Variants in GRIN2D observed in about 807,000 individuals in gnomAD.
The protein encoded by GRIN2D is glutamate receptor ionotropic, NMDA 2D.
Under a neutral mutation model 103.2 loss-of-function variants are expected in GRIN2D, and 37 were observed. The ratio of observed to expected loss-of-function variants is 0.36; its 90% CI spans 0.28 to 0.47. The LOEUF (loss-of-function observed/expected upper bound fraction) is 0.47, where lower values mean the gene tolerates loss of function less well. GRIN2D is among the 20% of genes least tolerant of loss of function. The probability of loss-of-function intolerance (pLI) is 1.00; values close to 1 mark genes in which losing one functional copy is unlikely to be tolerated. For synonymous variants in GRIN2D, 845 were observed against 885.6 expected (o/e 0.95, Z 0.81); for missense variants, 1,557 against 1,910.6 (o/e 0.81, Z 3.45).
chr19:48,410,930 C>G (rs1448939003), intron 4 of GRIN2D, among the ~76,000 whole-genome samples: 1 of 152,026 alleles, frequency 6.6e-6, no homozygotes, highest in Admixed American at 6.6e-5. Context: ...AGTCAGAGTA[C>G]CCAGGGTGAT....
At chr19:48,398,111 C>G (rs1163182058) in intron 2 of GRIN2D, among the ~76,000 whole-genome samples, 1 of 151,418 alleles carries the variant, frequency 6.6e-6, no homozygotes, top group East Asian at 2.0e-4. Flanking sequence ...CCATCTCTCT[C>G]TACCTCTGCC....
intron 3 of GRIN2D, among the ~76,000 whole-genome samples, chr19:48,400,871 G>C (rs568802870): frequency 6.6e-6 from 1 of 152,258 alleles, no homozygotes; most frequent in African/African-American, 2.4e-5. Context: ...TTTGAGGCCA[G>C]CCTGGCCAAC....
rs183219764 is a variant in GRIN2D, at chr19:48,427,639, C to T, written c.2252+5694C>T. Among the ~76,000 whole-genome samples, 257 of 151,086 alleles carry T rather than the reference C, an allele frequency of 1.7e-3. 1 individual carries two copies. The highest frequency in any genetic ancestry group is 5.8e-3 in the African/African-American group (238 of 41,082). ...GATTACAGGCATCTGCCACTATGCC[C>T]GGGTAATTTTTGTATTTTTAGTAGA... On this transcript the variant is annotated intron_variant, in intron 11 of 13. Coordinates refer to ENST00000263269, the MANE Select transcript of GRIN2D (RefSeq NM_000836.4).
chr19:48,424,483 G>A (rs1316999076), intron 11 of GRIN2D, among the ~76,000 whole-genome samples: 1 of 149,722 alleles, frequency 6.7e-6, no homozygotes, highest in African/African-American at 2.5e-5. Flanking sequence ...TGTTAGCCAG[G>A]ATGGTCTCGA....
chr19:48,442,364 C>T lies in GRIN2D; in HGVS notation c.2655C>T (p.Phe885=). The T allele has an allele frequency of 6.2e-7, 1 of 1,612,024 alleles. No homozygotes were observed. Among genetic ancestry groups the T allele is most frequent in the East Asian group, 2.2e-5 (1 of 44,878 alleles). The change falls in exon 13 of 14, where the codon TTC becomes TTT. Residue 885 remains phenylalanine, a synonymous_variant. Coordinates refer to ENST00000263269, the MANE Select transcript of GRIN2D (RefSeq NM_000836.4). This position sits in a 1 kb window ranked among gnomAD's most constrained non-coding sequence, Gnocchi z 7.2. The stretch of plus-strand genomic sequence containing the variant: ...TGGGGCCCACCCACCGCATGGACTT[C>T]CTGCTGGCCTTCTCCAGGGTATGGG... ...HCLGPTHRMD[F]LLAFSRGMYS... is the part of the protein sequence containing the mutation.
intron 3 of GRIN2D, among the ~76,000 whole-genome samples, chr19:48,403,351 C>T (rs1184977373): frequency 2.6e-5 from 4 of 152,076 alleles, no homozygotes; most frequent in East Asian, 3.8e-4. Flanking sequence ...CTGCTCTGTC[C>T]GATTTGAAAG....
intron 11 of GRIN2D, among the ~76,000 whole-genome samples, chr19:48,429,214 A>G (rs1971126499): frequency 6.6e-6 from 1 of 152,060 alleles, no homozygotes; most frequent in Non-Finnish European, 1.5e-5. Context: ...GTCAGATACA[A>G]GAATTTCAGT....
intron 11 of GRIN2D, among the ~76,000 whole-genome samples, chr19:48,435,277 A>C (rs1204422557): frequency 6.8e-6 from 1 of 146,264 alleles, no homozygotes; most frequent in Non-Finnish European, 1.5e-5. Context: ...CTACCCTTTA[A>C]GTGCCCATTC....
chr19:48,427,732 C>T (rs10418411), intron 11 of GRIN2D, among the ~76,000 whole-genome samples: 18,923 of 151,788 alleles, frequency 0.12, 2,053 homozygotes, highest in African/African-American at 0.3. Context: ...CCGCCCGTCT[C>T]GGCCTCCCAA....
At chr19:48,435,730 A>G (rs1971221345) in intron 11 of GRIN2D, among the ~76,000 whole-genome samples, 1 of 152,104 alleles carries the variant, frequency 6.6e-6, no homozygotes, top group Non-Finnish European at 1.5e-5. Context: ...TAGAAGCATG[A>G]GCCACCACAC....
intron 2 of GRIN2D, among the ~76,000 whole-genome samples, chr19:48,395,713 G>A (rs923305963): frequency 1.1e-4 from 17 of 152,024 alleles, no homozygotes; most frequent in African/African-American, 4.1e-4. Flanking sequence ...TCTAAGTGGG[G>A]TGACTAGGGA....
chr19:48,440,445 T>TAGCC (rs1000047358), intron 11 of GRIN2D, among the ~76,000 whole-genome samples: 3 of 151,898 alleles, frequency 2.0e-5, no homozygotes, highest in Non-Finnish European at 4.4e-5. Flanking sequence ...ATACAAAAAT[T>TAGCC]AGCCAGATGT....
In GRIN2D at chr19:48,419,888, T is replaced by A. The variant is rs373499105; in HGVS notation, c.2091+74T>A. 15 of 262,564 alleles carry A rather than the reference T, an allele frequency of 5.7e-5. No individual in the cohort carries two copies. In the African/African-American group the frequency reaches 7.1e-4, roughly 12 times the overall value. The allele number at this position is 262,564 out of a possible 1,614,324, so 16.3% of individuals were successfully genotyped here. On this transcript the variant is annotated intron_variant, in intron 10 of 13. Coordinates refer to ENST00000263269, the MANE Select transcript of GRIN2D (RefSeq NM_000836.4). ...TCACAGAGCTTGTCATGTGGTAGATTAGAGGGGATTCTTGCGGGGGGCGGG... is the reference window on the plus strand; with the variant it reads ...TCACAGAGCTTGTCATGTGGTAGATAAGAGGGGATTCTTGCGGGGGGCGGG...
In GRIN2D at chr19:48,394,918, AGAACAG is replaced by A. The variant is rs1433333711; in HGVS notation, c.-43_-38del. 6.6e-6 allele frequency: 1 copy of A among 152,534 alleles called. No homozygotes were observed. The highest frequency in any genetic ancestry group is 1.9e-4 in the East Asian group (1 of 5,164). The allele number at this position is 152,534 out of a possible 1,614,324, so 9.4% of individuals were successfully genotyped here. ...CTGGCCCCCCCGCCATCCCCCCAACAGAACAGGGTCATGAAAAGGTAAGGCGGGGAC... is the reference window on the plus strand; with the variant it reads ...CTGGCCCCCCCGCCATCCCCCCAACAGGTCATGAAAAGGTAAGGCGGGGAC... On this transcript the variant is annotated 5_prime_UTR_variant, in exon 2 of 14. Coordinates refer to ENST00000263269, the MANE Select transcript of GRIN2D (RefSeq NM_000836.4). This position sits in a 1 kb window ranked among gnomAD's most constrained non-coding sequence, Gnocchi z 5.1.
In GRIN2D at chr19:48,443,799, C is replaced by T; in HGVS notation, c.3873C>T (p.Ser1291=). Residue 1291 remains serine, a synonymous_variant, in exon 14 of 14, where the codon TCC becomes TCT. Coordinates refer to ENST00000263269, the MANE Select transcript of GRIN2D (RefSeq NM_000836.4). The surrounding 1 kb of genome is among the most constrained non-coding windows in gnomAD (Gnocchi z 8.9). The stretch of plus-strand genomic sequence containing the variant: ...CTGCGCGCAGGCTTACCGGGCCCTC[C>T]CGCCACGCTCGCAGGTGTCCGCACG... ...AAPARRLTGP[S]RHARRCPHAA... 1.4e-6 allele frequency: 2 copies of T among 1,474,864 alleles called. No individual in the cohort carries two copies. The highest frequency in any genetic ancestry group is 1.5e-5 in the African/African-American group (1 of 68,148). 91.4% of individuals were successfully genotyped at this position (1,474,864 alleles called of 1,614,324 possible).
chr19:48,427,890 G>C (rs1051091557), intron 11 of GRIN2D, among the ~76,000 whole-genome samples: 1 of 151,996 alleles, frequency 6.6e-6, no homozygotes, highest in African/African-American at 2.4e-5. Flanking sequence ...TCAATGTTTT[G>C]ATTCATAGTC....
intron 4 of GRIN2D, among the ~76,000 whole-genome samples, chr19:48,412,525 C>T (rs1425156403): frequency 2.0e-5 from 3 of 151,902 alleles, no homozygotes; most frequent in East Asian, 1.9e-4. Flanking sequence ...CGGTGGCTCA[C>T]GCTTGTAATC....
intron 3 of GRIN2D, among the ~76,000 whole-genome samples, chr19:48,404,236 A>C (rs1970753465): frequency 7.7e-6 from 1 of 129,728 alleles, no homozygotes. Context: ...GTGAAATTCC[A>C]TCTCAAAAAA....
intron 4 of GRIN2D, among the ~76,000 whole-genome samples, chr19:48,409,621 T>C (rs1246484602): frequency 6.6e-6 from 1 of 151,966 alleles, no homozygotes; most frequent in Non-Finnish European, 1.5e-5. Context: ...ATCCAAATCA[T>C]AGCTTGCCTG....
Sources: allele counts gnomAD v4.1 joint callset (sites outside exome capture counted in the v4.1 genomes callset), GRCh38; gene constraint gnomAD v4.1.1; non-coding constraint Gnocchi (gnomAD v3.1); transcripts MANE v1.5; gene names NCBI Gene and HGNC (gene_info 2026-07-23, HGNC 2026-07-21).